Variants in ELAVL2 observed in about 807,000 individuals in gnomAD.
ELAVL2 encodes the protein ELAV like RNA binding protein 2.
ELAVL2 carries 4 observed loss-of-function variants against 34.6 expected under a neutral mutation model. The observed-to-expected ratio is 0.12, with a 90% CI of 0.06 to 0.26. The LOEUF (loss-of-function observed/expected upper bound fraction) is 0.26. Among genes scored for constraint, ELAVL2 ranks in the 10% least tolerant of loss-of-function variants. The probability of loss-of-function intolerance (pLI) is 1.00; values close to 1 mark genes in which losing one functional copy is unlikely to be tolerated. For synonymous variants in ELAVL2, 193 were observed against 154.8 expected, an observed-to-expected ratio of 1.25 and a Z score of -1.83; for missense variants, 432 against 442.8, an observed-to-expected ratio of 0.98 and a Z score of 0.22.
At chr9:23,788,483 C>T (rs1262865893) in intron 1 of ELAVL2, among the ~76,000 whole-genome samples, 5 of 152,120 alleles carry the variant, frequency 3.3e-5, no homozygotes. Context: ...CTACACATAC[C>T]TATGATAAAA....
rs1304909608 is a variant in ELAVL2, at chr9:23,697,260, T to C, written c.714-3774A>G. On this transcript the variant is annotated intron_variant, in intron 5 of 6. Coordinates refer to ENST00000397312, the MANE Select transcript of ELAVL2 (RefSeq NM_004432.5). ...ATGGTACCAGTAAGGGAAATACAAG[T>C]AAATAAGGAAAGGGAGAGCCGATTA... 2.6e-5 allele frequency among the ~76,000 whole-genome samples: 4 copies of C among 152,228 alleles called. No individual in the cohort carries two copies. The East Asian group carries it at 7.7e-4, about 29-fold the overall frequency.
intron 1 of ELAVL2, among the ~76,000 whole-genome samples, chr9:23,824,266 T>G (rs1449172667): frequency 1.3e-5 from 2 of 152,200 alleles, no homozygotes; most frequent in East Asian, 3.9e-4. Context: ...TTCGTATTAA[T>G]TCTGTACAGA....
chr9:23,701,328 A>G (rs376874977), intron 5 of ELAVL2, 51 bp downstream of exon 5: 2 of 1,585,528 alleles, frequency 1.3e-6, no homozygotes, highest in Non-Finnish European at 1.7e-6. Flanking sequence ...AGTAAACCTG[A>G]GTATTCTCTT....
chr9:23,755,295 T>G (rs1286944846), intron 2 of ELAVL2, among the ~76,000 whole-genome samples: 1 of 152,202 alleles, frequency 6.6e-6, no homozygotes, highest in African/African-American at 2.4e-5. Context: ...TCTAGTTTCA[T>G]CATCCTGTAA....
At chr9:23,753,018 C>G (rs1296286800) in intron 2 of ELAVL2, among the ~76,000 whole-genome samples, 2 of 152,126 alleles carry the variant, frequency 1.3e-5, no homozygotes, top group African/African-American at 4.8e-5. Flanking sequence ...GATTACATTT[C>G]CCAACACCAA....
At chr9:23,717,701 T>G (rs2042669851) in intron 3 of ELAVL2, among the ~76,000 whole-genome samples, 1 of 152,232 alleles carries the variant, frequency 6.6e-6, no homozygotes, top group Non-Finnish European at 1.5e-5. Context: ...CATTGTATTC[T>G]GCACTTACTC....
At chr9:23,695,087 T>C (rs1200309358) in intron 5 of ELAVL2, among the ~76,000 whole-genome samples, 2 of 152,184 alleles carry the variant, frequency 1.3e-5, no homozygotes, top group African/African-American at 4.8e-5. Flanking sequence ...GGGTTTTATT[T>C]TTTGCAGAGG....
At position 23,776,739 on chromosome 9, in the gene ELAVL2, CAAAAAAA is replaced by C. The variant is rs34583759; in HGVS notation, c.-15-14497_-15-14491del. ...TGACCTATGCTAAATAGTTTGCTAT[CAAAAAAA>C]AAAAAAAAAAAAAAAAGATGGCAAA... On this transcript the variant is annotated intron_variant, in intron 1 of 6. Transcript: ENST00000397312. Among the ~76,000 whole-genome samples, 51 of 77,706 alleles carry C rather than the reference CAAAAAAA, an allele frequency of 6.6e-4. No homozygotes were observed. In the South Asian group the frequency reaches 8.7e-3, roughly 13 times the overall value. The allele number at this position is 77,706 out of a possible 152,430, so 51.0% of individuals were successfully genotyped here.
chr9:23,742,635 C>A (rs78329327), intron 2 of ELAVL2, among the ~76,000 whole-genome samples: 7,427 of 152,134 alleles, frequency 0.049, 572 homozygotes, highest in African/African-American at 0.17. Flanking sequence ...GGAAAATGTC[C>A]ACTGTAATTC....
At chr9:23,833,404 G>T in the ELAVL2 span, among the ~76,000 whole-genome samples, 4 of 151,580 alleles carry the variant, frequency 2.6e-5, no homozygotes, top group African/African-American at 9.7e-5. Context: ...GCACACAATG[G>T]ACAGCTTAAA....
At chr9:23,743,423 A>G (rs569912836) in intron 2 of ELAVL2, among the ~76,000 whole-genome samples, 36 of 152,312 alleles carry the variant, frequency 2.4e-4, no homozygotes, top group African/African-American at 8.7e-4. Context: ...AGATTTTGCT[A>G]AAAAGATTTT....
chr9:23,788,994 A>C (rs1326234156), intron 1 of ELAVL2, among the ~76,000 whole-genome samples: 2 of 152,200 alleles, frequency 1.3e-5, no homozygotes, highest in Admixed American at 1.3e-4. Context: ...AACTGTGGGT[A>C]AGGAGGAACT....
intron 1 of ELAVL2, among the ~76,000 whole-genome samples, chr9:23,787,588 A>G (rs948823780): frequency 3.3e-5 from 5 of 151,966 alleles, no homozygotes; most frequent in African/African-American, 1.2e-4. Context: ...AAAAAGATTA[A>G]CTTTTCCAGA....
intron 3 of ELAVL2, among the ~76,000 whole-genome samples, chr9:23,713,286 A>G (rs1360226): frequency 0.21 from 31,666 of 152,112 alleles, 3,574 homozygotes; most frequent in Non-Finnish European, 0.24. Context: ...TAAATTTTTT[A>G]CCTGCAGAGA....
chr9:23,823,631 A>G (rs1398805679), intron 1 of ELAVL2, among the ~76,000 whole-genome samples: 1 of 152,224 alleles, frequency 6.6e-6, no homozygotes, highest in East Asian at 1.9e-4. Context: ...AACTCTCAAC[A>G]TATTTTTTTG....
chr9:23,713,323 G>A (rs978007746), intron 3 of ELAVL2, among the ~76,000 whole-genome samples: 3 of 152,140 alleles, frequency 2.0e-5, no homozygotes, highest in African/African-American at 7.2e-5. Context: ...AAACAATTGA[G>A]CAATGGTAGT....
intron 1 of ELAVL2, among the ~76,000 whole-genome samples, chr9:23,814,661 T>G (rs2063469832): frequency 6.6e-6 from 1 of 152,024 alleles, no homozygotes; most frequent in South Asian, 2.1e-4. Flanking sequence ...CAAATAGAAA[T>G]AGGCCTTACC....
At chr9:23,822,595 G>C (rs972391348) in intron 1 of ELAVL2, among the ~76,000 whole-genome samples, 6 of 152,104 alleles carry the variant, frequency 3.9e-5, no homozygotes, top group East Asian at 1.9e-4. Flanking sequence ...CCGGCCCCAC[G>C]GCTGGAAGTC....
chr9:23,736,291 A>T (rs2047873403), intron 2 of ELAVL2, among the ~76,000 whole-genome samples: 1 of 152,212 alleles, frequency 6.6e-6, no homozygotes, highest in Admixed American at 6.5e-5. Flanking sequence ...AAAAAACAAG[A>T]GTCACCCTAC....
Sources: allele counts gnomAD v4.1 joint callset (sites outside exome capture counted in the v4.1 genomes callset), GRCh38; gene constraint gnomAD v4.1.1; transcripts MANE v1.5; gene names NCBI Gene and HGNC (gene_info 2026-07-23, HGNC 2026-07-21).